The following BTBD7 variants were observed in gnomAD, a reference collection of about 807,000 sequenced individuals.
BTBD7 encodes BTB domain containing 7, also known as BTB/POZ domain-containing protein 7.
Under a neutral mutation model 99.9 loss-of-function variants are expected in BTBD7, and 38 were observed. The ratio of observed to expected loss-of-function variants is 0.38; its 90% CI spans 0.29 to 0.50. BTBD7 has a LOEUF of 0.50. Ranked by LOEUF, BTBD7 falls within the 20% of genes least tolerant of loss-of-function variation. The probability of loss-of-function intolerance (pLI) is 0.93; values close to 1 mark genes in which losing one functional copy is unlikely to be tolerated. For synonymous variants in BTBD7, 520 were observed against 511.4 expected (o/e 1.02, Z -0.23); for missense variants, 1,170 against 1,394.6 (o/e 0.84, Z 2.57).
At chr14:93,255,353 G>C (rs911239699) in intron 6 of BTBD7, among the ~76,000 whole-genome samples, 1 of 151,874 alleles carries the variant, frequency 6.6e-6, no homozygotes, top group Non-Finnish European at 1.5e-5. Context: ...CACCATGTTG[G>C]CCAGGCTGGT....
chr14:93,319,295 T>C lies in BTBD7; in HGVS notation c.-107+13525A>G, dbSNP rs1006409711. 3.3e-5 allele frequency among the ~76,000 whole-genome samples: 5 copies of C among 152,074 alleles called. No homozygotes were observed. The East Asian group carries it at 7.7e-4, about 23-fold the overall frequency. On this transcript the variant is annotated intron_variant, in intron 1 of 10. Transcript: ENST00000334746. Reference sequence around the variant, plus strand: ...CAGGATGTTAAACTATGGAGAAATATAGGCAAGGAGATTTCAATACAGAGA... The same window carrying C: ...CAGGATGTTAAACTATGGAGAAATACAGGCAAGGAGATTTCAATACAGAGA...
At chr14:93,260,389 G>A (rs1442566150) in intron 5 of BTBD7, among the ~76,000 whole-genome samples, 1 of 152,196 alleles carries the variant, frequency 6.6e-6, no homozygotes, top group Non-Finnish European at 1.5e-5. Context: ...AGGAGGACAG[G>A]TGGGTGGGCT....
intron 5 of BTBD7, among the ~76,000 whole-genome samples, chr14:93,259,138 T>C (rs906961717): frequency 1.3e-5 from 2 of 152,252 alleles, no homozygotes; most frequent in African/African-American, 4.8e-5. Context: ...TGTGAACCTC[T>C]GGGTACAACA....
rs190445300 is a variant in BTBD7 at position 93,330,757 on chromosome 14, A to T, written c.-107+2063T>A. Among the ~76,000 whole-genome samples the T allele has an allele frequency of 1.3e-4, 20 of 152,372 alleles. 1 individual carries two copies. Among genetic ancestry groups the T allele is most frequent in the Admixed American group, 1.2e-3 (19 of 15,304 alleles). On this transcript the variant is annotated intron_variant, in intron 1 of 10. Coordinates refer to ENST00000334746, the MANE Select transcript of BTBD7 (RefSeq NM_001002860.4). The stretch of plus-strand genomic sequence containing the variant: ...TGTGAGCTTCCGTGACTAGAATCTG[A>T]AATCAGAATAACTTTGGCATTACTG...
In BTBD7 at chr14:93,261,635, C is replaced by G; in HGVS notation, c.1414G>C (p.Glu472Gln). ...GCTATTCTTTTCATCAACTGATGCT[C>G]TCCCCATTTAATCAGATATTTAAGG... ...DILKYLIKWG[E>Q]HQLMKRIADR... The change falls in exon 5 of 11, where the codon GAG becomes CAG. Residue 472 changes from glutamate to glutamine, a missense_variant. By Grantham distance (29) the Glu-to-Gln change is conservative (BLOSUM62 2). Around this residue, in one of 4 missense-constraint regions of BTBD7, gnomAD observed 309 missense variants for 342.0 expected, o/e 0.90. Transcript: ENST00000334746. The G allele has an allele frequency of 1.2e-6, 2 of 1,612,330 alleles. No individual in the cohort carries two copies. Among genetic ancestry groups the G allele is most frequent in the Non-Finnish European group, 1.7e-6 (2 of 1,179,284 alleles).
intron 1 of BTBD7, among the ~76,000 whole-genome samples, chr14:93,307,787 A>G (rs1486832585): frequency 6.6e-6 from 1 of 152,180 alleles, no homozygotes; most frequent in Non-Finnish European, 1.5e-5. Context: ...CAGCACTTGA[A>G]TTTCATTTAT....
intron 1 of BTBD7, among the ~76,000 whole-genome samples, chr14:93,327,593 A>G (rs1400229906): frequency 6.6e-6 from 1 of 152,216 alleles, no homozygotes; most frequent in African/African-American, 2.4e-5. Context: ...CACCTGTTAA[A>G]ACACTCAACA....
At chr14:93,282,714 C>T (rs746908864) in intron 3 of BTBD7, among the ~76,000 whole-genome samples, 11 of 152,092 alleles carry the variant, frequency 7.2e-5, no homozygotes, top group Non-Finnish European at 1.0e-4. Flanking sequence ...TGCAGAGGTT[C>T]TTCCTTCCTT....
intron 3 of BTBD7, among the ~76,000 whole-genome samples, chr14:93,291,655 A>G (rs1451424212): frequency 6.6e-6 from 1 of 152,196 alleles, no homozygotes; most frequent in Non-Finnish European, 1.5e-5. Context: ...AAGAGCATAT[A>G]TATCCACATT....
At chr14:93,256,506 C>G (rs915738243) in intron 6 of BTBD7, 1 of 151,764 alleles carries the variant, frequency 6.6e-6, no homozygotes, top group Admixed American at 6.6e-5. Flanking sequence ...GCAACCTCCA[C>G]CTCCCCAGTT....
In BTBD7 at chr14:93,328,264, T is replaced by A. The variant is rs1462147416; in HGVS notation, c.-107+4556A>T. Among the ~76,000 whole-genome samples the A allele has an allele frequency of 3.0e-4, 46 of 151,972 alleles. 1 individual carries two copies. The highest frequency in any genetic ancestry group is 3.0e-3 in the Admixed American group (46 of 15,248). The stretch of plus-strand genomic sequence containing the variant: ...TTTTTTGCAGAAATAGAAAAACCCA[T>A]CCTAAAATTCATATGGCATCTCAAG... On this transcript the variant is annotated intron_variant, in intron 1 of 10. Transcript: ENST00000334746.
At chr14:93,317,909 T>C (rs1462353991) in intron 1 of BTBD7, among the ~76,000 whole-genome samples, 1 of 152,242 alleles carries the variant, frequency 6.6e-6, no homozygotes, top group African/African-American at 2.4e-5. Context: ...GAGTCTCTTA[T>C]AAGCTTCCCT....
At chr14:93,257,151 C>A (rs1445725432) in intron 6 of BTBD7, 44 bp downstream of exon 6, 11 of 1,575,180 alleles carry the variant, frequency 7.0e-6, no homozygotes, top group South Asian at 1.1e-5. Context: ...ATACACCTGG[C>A]ATTTTTCTTT....
At chr14:93,252,382 AAAG>A (rs2052378590) in intron 7 of BTBD7, among the ~76,000 whole-genome samples, 1 of 152,010 alleles carries the variant, frequency 6.6e-6, no homozygotes, top group Non-Finnish European at 1.5e-5. Context: ...TTTGAAGAAA[AAAG>A]AAAAATGTTG....
At chr14:93,280,970 C>T (rs1231239168) in intron 3 of BTBD7, among the ~76,000 whole-genome samples, 1 of 151,690 alleles carries the variant, frequency 6.6e-6, no homozygotes, top group Non-Finnish European at 1.5e-5. Flanking sequence ...GTGGCTGGGA[C>T]TATAGGCACC....
rs560959636 is a variant in BTBD7, at chr14:93,265,844, C to A, written c.1163-1851G>T. Among the ~76,000 whole-genome samples, 16 of 152,292 alleles carry A rather than the reference C, an allele frequency of 1.1e-4. No homozygotes were observed. In the South Asian group the frequency reaches 3.1e-3, roughly 30 times the overall value. On this transcript the variant is annotated intron_variant, in intron 3 of 10. Coordinates refer to ENST00000334746, the MANE Select transcript of BTBD7 (RefSeq NM_001002860.4). The stretch of plus-strand genomic sequence containing the variant: ...GGCTGAGGCAGGAGAATTGCTTGAA[C>A]CCGGGAAGTGGAGGCTGCAGTGAGC...
intron 1 of BTBD7, among the ~76,000 whole-genome samples, chr14:93,331,882 C>CCT (rs1555394542): frequency 6.8e-6 from 1 of 146,190 alleles, no homozygotes; most frequent in Non-Finnish European, 1.5e-5. Flanking sequence ...CTCCGTCTCC[C>CCT]CCCCCCCAAA....
chr14:93,246,678 CTA>C (rs2052315503), intron 9 of BTBD7, among the ~76,000 whole-genome samples: 1 of 152,280 alleles, frequency 6.6e-6, no homozygotes, highest in Non-Finnish European at 1.5e-5. Context: ...GACAAGACAT[CTA>C]TGCCTGCTCT....
At chr14:93,287,804 AT>A (rs2139753762) in intron 3 of BTBD7, 1 of 152,314 alleles carries the variant, frequency 6.6e-6, no homozygotes, top group Admixed American at 6.5e-5. Flanking sequence ...GTTGGAGCCC[AT>A]TTTCTAGATC....
Sources: gnomAD v4.1 joint callset for allele counts (sites outside exome capture counted in the v4.1 genomes callset) on GRCh38, gnomAD v4.1.1 for gene constraint, gnomAD v4.1.1 regional missense constraint, MANE v1.5 for transcripts, NCBI Gene and HGNC (gene_info 2026-07-23, HGNC 2026-07-21) for gene names.